Variants in CERS6 observed in about 807,000 individuals in gnomAD.
CERS6 encodes ceramide synthase 6, also known as LAG1 homolog, ceramide synthase 6.
In CERS6, 26 loss-of-function variants were observed where a neutral mutation model predicts 56.8. That is an observed-to-expected ratio of 0.46 (90% CI 0.34 to 0.63). CERS6 has a LOEUF of 0.63. Among genes scored for constraint, CERS6 ranks in the 30% least tolerant of loss-of-function variants. The pLI, the probability that CERS6 is intolerant of heterozygous loss-of-function variation, is 0.01. For missense variants in CERS6, 415 were observed against 467.5 expected, an observed-to-expected ratio of 0.89 and a Z score of 1.04; for synonymous variants, 164 against 173.3, an observed-to-expected ratio of 0.95 and a Z score of 0.42.
chr2:168,656,775 G>A lies in CERS6; in HGVS notation c.465+25733G>A, dbSNP rs539360687. 3.3e-5 allele frequency among the ~76,000 whole-genome samples: 5 copies of A among 152,286 alleles called. No individual in the cohort carries two copies. In the East Asian group the frequency reaches 9.7e-4, roughly 29 times the overall value. ...TTGCCACTGCTGGCTCGGGCAGCCTGCTTTTATTCTCTTATCTGGCCCCAC... is the reference window on the plus strand; with the variant it reads ...TTGCCACTGCTGGCTCGGGCAGCCTACTTTTATTCTCTTATCTGGCCCCAC... On this transcript the variant is annotated intron_variant, in intron 4 of 9. Transcript: ENST00000305747.
chr2:168,766,560 T>A (rs1333844073), intron 9 of CERS6, among the ~76,000 whole-genome samples: 1 of 152,238 alleles, frequency 6.6e-6, no homozygotes. Context: ...TGCTAAATGT[T>A]GCATGATCCA....
chr2:168,667,233 C>A (rs1472364792), intron 4 of CERS6, among the ~76,000 whole-genome samples: 2 of 152,200 alleles, frequency 1.3e-5, no homozygotes, highest in Non-Finnish European at 2.9e-5. Context: ...AGCAGGAAAA[C>A]CCCAGATCTT....
chr2:168,740,771 C>T (rs1683874926), intron 8 of CERS6, among the ~76,000 whole-genome samples: 1 of 152,206 alleles, frequency 6.6e-6, no homozygotes, highest in African/African-American at 2.4e-5. Context: ...CAAAATACTG[C>T]CACATGATTT....
intron 6 of CERS6, among the ~76,000 whole-genome samples, chr2:168,707,167 T>G (rs938657909): frequency 2.0e-5 from 3 of 152,186 alleles, no homozygotes; most frequent in African/African-American, 4.8e-5. Context: ...CACAGAAAAT[T>G]CAACATCTTT....
chr2:168,733,000 G>T (rs951129016), intron 8 of CERS6, among the ~76,000 whole-genome samples: 2 of 152,122 alleles, frequency 1.3e-5, no homozygotes, highest in South Asian at 2.1e-4. Context: ...GCCGAGTTGT[G>T]CTTAATATGA....
chr2:168,656,929 C>G, intron 4 of CERS6, among the ~76,000 whole-genome samples: 1 of 152,158 alleles, frequency 6.6e-6, no homozygotes, highest in South Asian at 2.1e-4. Flanking sequence ...ACAGAGTTTC[C>G]ACACACAGGT....
At chr2:168,742,555 A>T (rs527988256) in intron 8 of CERS6, among the ~76,000 whole-genome samples, 54 of 152,350 alleles carry the variant, frequency 3.5e-4, no homozygotes, top group African/African-American at 1.3e-3. Flanking sequence ...AAGCAGGTCA[A>T]ATGCATGCGA....
chr2:168,463,370 G>A (rs183008529), intron 1 of CERS6, among the ~76,000 whole-genome samples: 46 of 152,198 alleles, frequency 3.0e-4, no homozygotes, highest in African/African-American at 8.4e-4. Context: ...ATTCTACACT[G>A]TGGTTATACC....
chr2:168,620,011 CCATACACACA>C (rs1434534529), intron 3 of CERS6, among the ~76,000 whole-genome samples: 7 of 37,232 alleles, frequency 1.9e-4, no homozygotes, highest in African/African-American at 2.4e-4. Flanking sequence ...GTTCCACAAT[CCATACACACA>C]CACACACACA....
At chr2:168,743,421 G>C (rs1298736230) in intron 8 of CERS6, among the ~76,000 whole-genome samples, 1 of 152,060 alleles carries the variant, frequency 6.6e-6, no homozygotes, top group Non-Finnish European at 1.5e-5. Context: ...GATCACTTGA[G>C]CCTAGGCATT....
chr2:168,735,948 G>A (rs1432731040), intron 8 of CERS6, among the ~76,000 whole-genome samples: 1 of 151,082 alleles, frequency 6.6e-6, no homozygotes, highest in East Asian at 2.0e-4. Flanking sequence ...ACTCACACCT[G>A]TAATCCCAGC....
chr2:168,462,824 G>C (rs550557404), intron 1 of CERS6, among the ~76,000 whole-genome samples: 1 of 152,290 alleles, frequency 6.6e-6, no homozygotes, highest in African/African-American at 2.4e-5. Context: ...GTGAGTCACT[G>C]CAGCTGGTCA....
intron 6 of CERS6, among the ~76,000 whole-genome samples, chr2:168,701,884 A>C (rs894814231): frequency 5.3e-5 from 8 of 152,104 alleles, no homozygotes; most frequent in Non-Finnish European, 8.8e-5. Context: ...AAAATTGTAT[A>C]TTTTTGTACA....
At chr2:168,667,887 G>T (rs937468593) in intron 4 of CERS6, among the ~76,000 whole-genome samples, 2 of 152,212 alleles carry the variant, frequency 1.3e-5, no homozygotes, top group African/African-American at 4.8e-5. Context: ...TATGCATGGA[G>T]GGACCTTCTG....
At chr2:168,695,680 C>T (rs766608636) in intron 6 of CERS6, among the ~76,000 whole-genome samples, 2 of 152,150 alleles carry the variant, frequency 1.3e-5, no homozygotes, top group Admixed American at 6.6e-5. Context: ...CTTTGCTGTC[C>T]TTGTCTTAAT....
In CERS6 at chr2:168,484,167, G is replaced by GTTT. The variant is rs34492119; in HGVS notation, c.170+27578_170+27580dup. ...TTTTCTTTTTCTTTTTCTTTTTTCT[G>GTTT]TTTTTTTTTTTTTTTTTTTTTTTTT... On this transcript the variant is annotated intron_variant, in intron 1 of 9. Transcript: ENST00000305747. Among the ~76,000 whole-genome samples the GTTT allele has an allele frequency of 2.8e-3, 146 of 51,612 alleles. 19 individuals are homozygous for GTTT. Among genetic ancestry groups the GTTT allele is most frequent in the Non-Finnish European group, 3.2e-3 (87 of 27,054 alleles). The allele number at this position is 51,612 out of a possible 152,430, so 33.9% of individuals were successfully genotyped here.
At chr2:168,745,530 T>G (rs1161647184) in intron 8 of CERS6, among the ~76,000 whole-genome samples, 1 of 152,164 alleles carries the variant, frequency 6.6e-6, no homozygotes, top group African/African-American at 2.4e-5. Context: ...CGTGAACCAC[T>G]GCGCCTGGCC....
chr2:168,636,282 T>C (rs1467493543), intron 4 of CERS6, among the ~76,000 whole-genome samples: 1 of 152,146 alleles, frequency 6.6e-6, no homozygotes, highest in African/African-American at 2.4e-5. Flanking sequence ...CTTTGGACTG[T>C]CTAGGTTAAA....
intron 8 of CERS6, among the ~76,000 whole-genome samples, chr2:168,760,764 T>C (rs1263881086): frequency 7.8e-6 from 1 of 128,538 alleles, no homozygotes; most frequent in East Asian, 2.2e-4. Flanking sequence ...ATTTATTTAT[T>C]TATTTTTTTG....
Sources: allele counts gnomAD v4.1 joint callset (sites outside exome capture counted in the v4.1 genomes callset), GRCh38; gene constraint gnomAD v4.1.1; transcripts MANE v1.5; gene names NCBI Gene and HGNC (gene_info 2026-07-23, HGNC 2026-07-21).